NPAS3: variants seen among roughly 807,000 people sequenced by gnomAD.
NPAS3 encodes neuronal PAS domain-containing protein 3.
A neutral mutation model predicts 73.1 loss-of-function variants in NPAS3; 14 were observed. That is an observed-to-expected ratio of 0.19 (90% CI 0.13 to 0.30). The LOEUF (loss-of-function observed/expected upper bound fraction) is 0.30. NPAS3 is among the 10% of genes least tolerant of loss of function. NPAS3 has a pLI of 1.00. For synonymous variants in NPAS3, 620 were observed against 541.5 expected (o/e 1.14, Z -2.01); for missense variants, 1,096 against 1,250.0 (o/e 0.88, Z 1.86).
At position 33,275,547 on chromosome 14, in the gene NPAS3, C is replaced by G. The variant is rs146232435; in HGVS notation, c.385+60121C>G. Among the ~76,000 whole-genome samples the G allele has an allele frequency of 6.1e-3, 932 of 152,290 alleles. 13 individuals carry two copies. Among genetic ancestry groups the G allele is most frequent in the African/African-American group, 0.021 (858 of 41,568 alleles). ...TTAAAATTAGTGACAGAGATTTTCACATGCATAGATCTAAATCAGGGTAGG... is the reference window on the plus strand; with the variant it reads ...TTAAAATTAGTGACAGAGATTTTCAGATGCATAGATCTAAATCAGGGTAGG... On this transcript the variant is annotated intron_variant, in intron 3 of 11. Transcript: ENST00000356141.
At chr14:33,742,365 C>T (rs542381275) in intron 7 of NPAS3, among the ~76,000 whole-genome samples, 1 of 152,106 alleles carries the variant, frequency 6.6e-6, no homozygotes, top group Non-Finnish European at 1.5e-5. Flanking sequence ...GTTCCGACCA[C>T]GACAATAAAA....
intron 4 of NPAS3, among the ~76,000 whole-genome samples, chr14:33,473,763 A>T (rs560204711): frequency 6.6e-6 from 1 of 152,198 alleles, no homozygotes; most frequent in Non-Finnish European, 1.5e-5. Context: ...TTGTCAAATT[A>T]TGCAGTTTAG....
chr14:33,270,705 C>CT, intron 3 of NPAS3, among the ~76,000 whole-genome samples: 1 of 152,238 alleles, frequency 6.6e-6, no homozygotes, highest in African/African-American at 2.4e-5. Context: ...CTTTGGTTTT[C>CT]TTTTTTGTTT....
At chr14:33,518,971 A>G (rs1344828244) in intron 4 of NPAS3, among the ~76,000 whole-genome samples, 2 of 152,144 alleles carry the variant, frequency 1.3e-5, no homozygotes, top group Non-Finnish European at 2.9e-5. Flanking sequence ...ATTAATGACT[A>G]AGTGAATAAA....
At chr14:33,055,871 T>C in intron 1 of NPAS3, 34 bp from the exon 2 acceptor site, 2 of 777,402 alleles carry the variant, frequency 2.6e-6, no homozygotes, top group Non-Finnish European at 4.6e-6. Flanking sequence ...AGAGAATCTC[T>C]AGTCATGTCT....
At chr14:33,595,695 G>A (rs1296340311) in intron 5 of NPAS3, among the ~76,000 whole-genome samples, 1 of 151,952 alleles carries the variant, frequency 6.6e-6, no homozygotes. Context: ...TTTTGAGATG[G>A]AGTCTGGCCC....
intron 5 of NPAS3, among the ~76,000 whole-genome samples, chr14:33,564,877 G>A (rs2055848577): frequency 6.6e-6 from 1 of 152,162 alleles, no homozygotes; most frequent in South Asian, 2.1e-4. Flanking sequence ...TGTATGGGGT[G>A]ATACCATTAG....
At chr14:32,938,533 G>C (rs1163420093), upstream of NPAS3, among the ~76,000 whole-genome samples, 3 of 148,158 alleles carry the variant, frequency 2.0e-5, no homozygotes, top group Non-Finnish European at 4.5e-5. Flanking sequence ...GAAGGGGGGG[G>C]AGGTGTGTGT....
At chr14:33,468,059 C>G (rs1017442061) in intron 4 of NPAS3, among the ~76,000 whole-genome samples, 3 of 152,186 alleles carry the variant, frequency 2.0e-5, no homozygotes, top group African/African-American at 4.8e-5. Flanking sequence ...ATCATGCCCC[C>G]CAAGAGTACA....
At chr14:33,182,696 A>T (rs2045839259) in intron 2 of NPAS3, among the ~76,000 whole-genome samples, 1 of 152,094 alleles carries the variant, frequency 6.6e-6, no homozygotes, top group Non-Finnish European at 1.5e-5. Flanking sequence ...GATTGTCCAC[A>T]TGGGGTTCTG....
chr14:32,939,588 A>G (rs1392308764), intron 1 of NPAS3, among the ~76,000 whole-genome samples: 3 of 130,320 alleles, frequency 2.3e-5, no homozygotes, highest in Non-Finnish European at 4.7e-5. Flanking sequence ...GAGCAGTCGC[A>G]CCTCCTCGGC....
chr14:32,981,606 A>C (rs2037899034), intron 1 of NPAS3, among the ~76,000 whole-genome samples: 2 of 152,246 alleles, frequency 1.3e-5, no homozygotes, highest in Non-Finnish European at 2.9e-5. Flanking sequence ...TTTGATTAGA[A>C]AAATACTCAG....
At chr14:33,682,608 G>C (rs1201347212) in intron 6 of NPAS3, among the ~76,000 whole-genome samples, 1 of 152,154 alleles carries the variant, frequency 6.6e-6, no homozygotes, top group Non-Finnish European at 1.5e-5. Flanking sequence ...GAGCGAAGTA[G>C]GCTATTTTTA....
At chr14:33,272,706 C>G (rs147941116) in intron 3 of NPAS3, among the ~76,000 whole-genome samples, 25 of 152,182 alleles carry the variant, frequency 1.6e-4, no homozygotes, top group African/African-American at 6.0e-4. Context: ...TGTGAGCCAC[C>G]ATTCCTGGCC....
At chr14:33,298,079 C>T (rs1325123991) in intron 3 of NPAS3, among the ~76,000 whole-genome samples, 4 of 152,002 alleles carry the variant, frequency 2.6e-5, no homozygotes, top group African/African-American at 4.8e-5. Context: ...GTCAGGAGTT[C>T]GAGACCAGCC....
At chr14:33,365,016 A>G in intron 3 of NPAS3, among the ~76,000 whole-genome samples, 1 of 142,300 alleles carries the variant, frequency 7.0e-6, no homozygotes, top group Non-Finnish European at 1.6e-5. Flanking sequence ...GGGAGGGGGG[A>G]GGGGACGTGC....
intron 3 of NPAS3, among the ~76,000 whole-genome samples, chr14:33,324,333 G>A (rs149812324): frequency 6.6e-6 from 1 of 152,076 alleles, no homozygotes; most frequent in African/African-American, 2.4e-5. Flanking sequence ...TGACAGTCGG[G>A]GACCTTCTTG....
intron 1 of NPAS3, among the ~76,000 whole-genome samples, chr14:32,943,693 CTTTTTTT>C: frequency 8.2e-6 from 1 of 122,298 alleles, no homozygotes; most frequent in Non-Finnish European, 1.7e-5. Flanking sequence ...TTTTCTTTTT[CTTTTTTT>C]TTTTTTTTTT....
At chr14:33,623,452 G>C (rs1262954565) in intron 5 of NPAS3, among the ~76,000 whole-genome samples, 1 of 152,174 alleles carries the variant, frequency 6.6e-6, no homozygotes, top group African/African-American at 2.4e-5. Context: ...AATACATCCA[G>C]AGTCTCACTG....
Sources: gnomAD v4.1 joint callset for allele counts (sites outside exome capture counted in the v4.1 genomes callset) on GRCh38, gnomAD v4.1.1 for gene constraint, MANE v1.5 for transcripts, NCBI Gene and HGNC (gene_info 2026-07-23, HGNC 2026-07-21) for gene names.